CAMK2A: variants seen among roughly 807,000 people sequenced by gnomAD.
The protein encoded by CAMK2A is calcium/calmodulin dependent protein kinase II alpha, also known as calcium/calmodulin-dependent protein kinase type II subunit alpha.
CAMK2A carries 7 observed loss-of-function variants against 79.2 expected under a neutral mutation model. The observed-to-expected ratio is 0.09, with a 90% CI of 0.05 to 0.17. The LOEUF (loss-of-function observed/expected upper bound fraction) is 0.17. CAMK2A is among the 10% of genes least tolerant of loss of function. CAMK2A has a pLI of 1.00. For synonymous variants in CAMK2A, 242 were observed against 251.7 expected (o/e 0.96, Z 0.36); for missense variants, 214 against 646.4 (o/e 0.33, Z 7.25).
rs1372527594 is a variant in CAMK2A, at chr5:150,256,544, G to A, written c.411+29C>T. The A allele has an allele frequency of 1.9e-6, 3 of 1,574,146 alleles. No individual in the cohort carries two copies. Among genetic ancestry groups the A allele is most frequent in the East Asian group, 2.2e-5 (1 of 44,682 alleles). On this transcript the variant is annotated intron_variant, in intron 6 of 18. Coordinates refer to ENST00000671881, the MANE Select transcript of CAMK2A (RefSeq NM_015981.4). The surrounding 1 kb of genome is among the most constrained non-coding windows in gnomAD (Gnocchi z 4.6). ...TGCAGAGGAGAGAGGGGCTCCCGGG[G>A]TGAGCCACACCCACGGTGGGTTGCT...
Position 150,288,236 on chromosome 5 carries a change from CT to C in CAMK2A, c.62+1327del, listed in dbSNP as rs1455138375. Among the ~76,000 whole-genome samples, 4 of 152,242 alleles carry C rather than the reference CT, an allele frequency of 2.6e-5. No individual in the cohort carries two copies. The East Asian group carries it at 7.7e-4, about 29-fold the overall frequency. On this transcript the variant is annotated intron_variant, in intron 1 of 18. Transcript: ENST00000671881. The stretch of plus-strand genomic sequence containing the variant: ...CTCATATGAGCATCCTCACACACCC[CT>C]AGACCTCACACACATGTGCCTTCCT...
intron 3 of CAMK2A, among the ~76,000 whole-genome samples, chr5:150,257,895 T>C (rs1482946532): frequency 6.6e-6 from 1 of 152,220 alleles, no homozygotes; most frequent in Non-Finnish European, 1.5e-5. Flanking sequence ...AAACCCTGTT[T>C]GGTTGCTGGG....
At chr5:150,239,618 G>T in intron 14 of CAMK2A, 86 bp downstream of exon 14, 3 of 1,291,880 alleles carry the variant, frequency 2.3e-6, no homozygotes, top group East Asian at 2.3e-5. Flanking sequence ...CCCGCCCCAG[G>T]TTCCCAGTGC....
intron 1 of CAMK2A, among the ~76,000 whole-genome samples, 159 bp from the exon 2 acceptor site, chr5:150,273,318 C>A (rs539157142): frequency 2.2e-4 from 34 of 152,170 alleles, no homozygotes; most frequent in African/African-American, 8.2e-4. Context: ...AGGGACACAG[C>A]GAGGCCAGAG....
At chr5:150,225,753 TTA>T (rs1444874817) in intron 17 of CAMK2A, among the ~76,000 whole-genome samples, 1,494 of 16,356 alleles carry the variant, frequency 0.091, 22 homozygotes, top group African/African-American at 0.15. Flanking sequence ...ATTATTATTA[TTA>T]TTTTTTTTAG....
intron 1 of CAMK2A, among the ~76,000 whole-genome samples, chr5:150,276,992 G>A (rs1267319927): frequency 6.6e-6 from 1 of 152,214 alleles, no homozygotes; most frequent in Non-Finnish European, 1.5e-5. Flanking sequence ...CACTTTGGGA[G>A]GCCAAGGTGG....
chr5:150,264,469 TCCCAGCCTGCCATGG>T (rs1330766502), intron 3 of CAMK2A, among the ~76,000 whole-genome samples: 2 of 152,196 alleles, frequency 1.3e-5, no homozygotes, highest in East Asian at 1.9e-4. Context: ...CCTGGCTCTG[TCCCAGCCTGCCATGG>T]CCCAGCCTCT....
chr5:150,255,489 G>T (rs73281779), intron 6 of CAMK2A, among the ~76,000 whole-genome samples: 5,611 of 152,340 alleles, frequency 0.037, 336 homozygotes, highest in African/African-American at 0.12. Flanking sequence ...GGTACACCCT[G>T]CAGGGGACTT....
chr5:150,262,866 G>T (rs1045469268), intron 3 of CAMK2A, among the ~76,000 whole-genome samples: 1 of 152,062 alleles, frequency 6.6e-6, no homozygotes, highest in Non-Finnish European at 1.5e-5. Context: ...GATTGAAACC[G>T]GGTGTCTGAC....
At chr5:150,222,856 C>T (rs1754386523) in intron 18 of CAMK2A, 133 bp downstream of exon 18, 2 of 1,384,844 alleles carry the variant, frequency 1.4e-6, no homozygotes, top group South Asian at 1.2e-5. Context: ...GCCTGGCCCC[C>T]TTCTTGGGGT....
chr5:150,259,152 C>G (rs1691661921), intron 3 of CAMK2A, among the ~76,000 whole-genome samples: 1 of 151,370 alleles, frequency 6.6e-6, no homozygotes, highest in Non-Finnish European at 1.5e-5. Context: ...TGCACTACAG[C>G]CTGAGCGACA....
At chr5:150,224,823 G>A (rs181622020) in intron 17 of CAMK2A, among the ~76,000 whole-genome samples, 24 of 151,310 alleles carry the variant, frequency 1.6e-4, no homozygotes, top group African/African-American at 2.2e-4. Context: ...AATCTGACTC[G>A]TCCCAAGCTG....
rs1458203062 is a variant in CAMK2A, at chr5:150,219,592, G to C, written c.*3118C>G. 1 of 98,642 alleles carries C rather than the reference G, an allele frequency of 1.0e-5. No homozygotes were observed. Among genetic ancestry groups the C allele is most frequent in the African/African-American group, 4.4e-5 (1 of 22,880 alleles). 6.1% of individuals were successfully genotyped at this position (98,642 alleles called of 1,614,324 possible). On this transcript the variant is annotated 3_prime_UTR_variant, in exon 19 of 19. Transcript: ENST00000671881. The stretch of plus-strand genomic sequence containing the variant: ...CGCCCCCCCCAATAGCAGAAAGTTT[G>C]AGCAGTGTTCATTCAAGTTCACAGC...
At chr5:150,270,133 T>C (rs1034564459) in intron 2 of CAMK2A, among the ~76,000 whole-genome samples, 1 of 152,222 alleles carries the variant, frequency 6.6e-6, no homozygotes, top group Non-Finnish European at 1.5e-5. Flanking sequence ...ATACAGCACC[T>C]GATGGGGGTT....
At chr5:150,273,307 CAG>C (rs1756827571) in intron 1 of CAMK2A, 148 bp from the exon 2 acceptor site, 1 of 616,586 alleles carries the variant, frequency 1.6e-6, no homozygotes. Flanking sequence ...TGACCCAACT[CAG>C]GGACACAGCG....
intron 3 of CAMK2A, among the ~76,000 whole-genome samples, chr5:150,263,598 C>T (rs546993753): frequency 6.6e-6 from 1 of 152,148 alleles, no homozygotes; most frequent in South Asian, 2.1e-4. Flanking sequence ...CACATACACT[C>T]ACACGCACAC....
intron 13 of CAMK2A, among the ~76,000 whole-genome samples, chr5:150,241,129 T>A (rs1296937001): frequency 1.3e-5 from 2 of 152,206 alleles, no homozygotes; most frequent in African/African-American, 4.8e-5. Flanking sequence ...GCCTTTGAAC[T>A]CAAGGCCCTG....
chr5:150,268,049 A>T (rs1756588557), intron 2 of CAMK2A, among the ~76,000 whole-genome samples: 1 of 151,680 alleles, frequency 6.6e-6, no homozygotes, highest in African/African-American at 2.4e-5. Context: ...AATATTTTGT[A>T]TTTTTAGTAG....
At chr5:150,246,035 C>T (rs1177294459) in intron 12 of CAMK2A, among the ~76,000 whole-genome samples, 1 of 152,250 alleles carries the variant, frequency 6.6e-6, no homozygotes, top group Non-Finnish European at 1.5e-5. Context: ...CTTAGCAAAG[C>T]ACCTGACCCA....
Sources: allele counts gnomAD v4.1 joint callset (sites outside exome capture counted in the v4.1 genomes callset), GRCh38; gene constraint gnomAD v4.1.1; non-coding constraint Gnocchi (gnomAD v3.1); transcripts MANE v1.5; gene names NCBI Gene and HGNC (gene_info 2026-07-23, HGNC 2026-07-21).